PTH: variants seen among roughly 807,000 people sequenced by gnomAD.
PTH encodes the protein parathyroid hormone.
A neutral mutation model predicts 7.4 loss-of-function variants in PTH; 7 were observed. The ratio of observed to expected loss-of-function variants is 0.94; its 90% CI spans 0.53 to 1.77. PTH has a LOEUF of 1.77. PTH is among the 40% of genes most tolerant of loss of function. The pLI, the probability that PTH is intolerant of heterozygous loss-of-function variation, is 0.00. For synonymous variants in PTH, 51 were observed against 46.6 expected, an observed-to-expected ratio of 1.09 and a Z score of -0.39; for missense variants, 128 against 137.1, an observed-to-expected ratio of 0.93 and a Z score of 0.33.
intron 1 of PTH, among the ~76,000 whole-genome samples, chr11:13,494,860 A>T (rs1395801617): frequency 6.6e-6 from 1 of 152,184 alleles, no homozygotes; most frequent in East Asian, 1.9e-4. Context: ...GATTATACCT[A>T]AATGTTTATA....
intron 1 of PTH, among the ~76,000 whole-genome samples, chr11:13,493,561 T>C (rs559512539): frequency 1.3e-5 from 2 of 152,366 alleles, no homozygotes; most frequent in South Asian, 2.1e-4. Flanking sequence ...TGAATCTAGA[T>C]AATCACGCAT....
In PTH at chr11:13,493,230, A is replaced by C. The variant is rs546113425; in HGVS notation, c.-5-370T>G. 6.5e-3 allele frequency among the ~76,000 whole-genome samples: 982 copies of C among 152,226 alleles called. 15 individuals carry two copies. Among genetic ancestry groups the C allele is most frequent in the African/African-American group, 0.022 (924 of 41,556 alleles). ...TGTACTCCAATGATATTAAGCGGCA[A>C]CTACTCACCTGAAAAAGAAAACATT... is the stretch of plus-strand genomic sequence containing the variant. On this transcript the variant is annotated intron_variant, in intron 1 of 2. Coordinates refer to ENST00000282091, the MANE Select transcript of PTH (RefSeq NM_000315.4).
intron 1 of PTH, among the ~76,000 whole-genome samples, chr11:13,493,656 G>A (rs1377908200): frequency 6.6e-6 from 1 of 152,220 alleles, no homozygotes; most frequent in Non-Finnish European, 1.5e-5. Context: ...ATGTTAAAAT[G>A]TTAGCAACAT....
In PTH at chr11:13,492,216, CAA is replaced by C. The variant is rs111527388; in HGVS notation, c.*187_*188del. 0.012 allele frequency: 7,401 copies of C among 611,540 alleles called. 419 individuals are homozygous for C. The African/African-American group carries it at 0.12, about 10-fold the overall frequency. The allele number at this position is 611,540 out of a possible 1,614,324, so 37.9% of individuals were successfully genotyped here. On this transcript the variant is annotated 3_prime_UTR_variant, in exon 3 of 3. Coordinates refer to ENST00000282091, the MANE Select transcript of PTH (RefSeq NM_000315.4). ...AATAGAAAAGATAATTAAAATAACT[CAA>C]ATGAATAAAAGTGGAATCAGAATAA...
Position 13,492,594 on chromosome 11 carries a change from T to C in PTH, c.159A>G (p.Glu53=), listed in dbSNP as rs1847488979. 6.2e-7 allele frequency: 1 copy of C among 1,614,022 alleles called. No homozygotes were observed. Among genetic ancestry groups the C allele is most frequent in the African/African-American group, 1.3e-5 (1 of 74,918 alleles). The part of the protein sequence containing the change: ...GKHLNSMERV[E]WLRKKLQDVH... ...CATCCTGCAGCTTCTTACGCAGCCA[T>C]TCTACTCTCTCCATCGAGTTCAGAT... The change falls in exon 3 of 3, where the codon GAA becomes GAG. Residue 53 remains glutamate, a synonymous_variant. Coordinates refer to ENST00000282091, the MANE Select transcript of PTH (RefSeq NM_000315.4).
rs1847530285 is a variant in PTH at position 13,495,919 on chromosome 11, G to C, written c.-14C>G. ...TTTTTAAGTTTACTTACCATACAATGTCTTAGAACAAGATCTTCGTTCAGG... is the reference window on the plus strand; with the variant it reads ...TTTTTAAGTTTACTTACCATACAATCTCTTAGAACAAGATCTTCGTTCAGG... On this transcript the variant is annotated 5_prime_UTR_variant, in exon 1 of 3. Transcript: ENST00000282091. The C allele has an allele frequency of 6.6e-6, 1 of 152,082 alleles. No homozygotes were observed. Among genetic ancestry groups the C allele is most frequent in the African/African-American group, 2.4e-5 (1 of 41,426 alleles). The allele number at this position is 152,082 out of a possible 1,614,324, so 9.4% of individuals were successfully genotyped here. A position where few individuals can be genotyped will look rare whatever the true frequency, so the allele number is the denominator to read the frequency against.
In PTH at chr11:13,492,465, T is replaced by G. The variant is rs542013340; in HGVS notation, c.288A>C (p.Lys96Asn). The G allele has an allele frequency of 1.2e-6, 2 of 1,614,178 alleles. No homozygotes were observed. Among genetic ancestry groups the G allele is most frequent in the Non-Finnish European group, 1.7e-6 (2 of 1,180,030 alleles). ...CAGCTTTGTCTGCCTCTCCAAGACT[T>G]TTTTCATGGCTCTCAACCAAGACAT... ...EDNVLVESHE[K>N]SLGEADKADV... The change falls in exon 3 of 3, where the codon AAA becomes AAC. Residue 96 changes from lysine to asparagine, a missense_variant. Lys to Asn is a moderately conservative substitution (Grantham distance 94). Coordinates refer to ENST00000282091, the MANE Select transcript of PTH (RefSeq NM_000315.4).
chr11:13,494,125 A>G (rs943505488), intron 1 of PTH, among the ~76,000 whole-genome samples: 2 of 151,970 alleles, frequency 1.3e-5, no homozygotes, highest in Non-Finnish European at 2.9e-5. Context: ...TAGAAAAATT[A>G]GGCACCATTT....
chr11:13,492,970 G>A, intron 1 of PTH, 110 bp from the exon 2 acceptor site: 2 of 926,756 alleles, frequency 2.2e-6, no homozygotes, highest in Non-Finnish European at 3.4e-6. Flanking sequence ...AGAAGCTTTT[G>A]GAATCAACCT....
At chr11:13,493,094 T>C (rs1224667383) in intron 1 of PTH, among the ~76,000 whole-genome samples, 1 of 150,314 alleles carries the variant, frequency 6.7e-6, no homozygotes, top group Non-Finnish European at 1.5e-5. Flanking sequence ...TTTATTTATT[T>C]ATTTATTTAT....
Position 13,492,870 on chromosome 11 carries a change from C to T in PTH, c.-5-10G>A, listed in dbSNP as rs694. ...GCAGGTATCATCTTCACTAAAAGGA[C>T]AAGCAAAATGGAGGTATTTTAAAAT... On this transcript the variant is annotated splice_polypyrimidine_tract_variant and intron_variant, in intron 1 of 2. Coordinates refer to ENST00000282091, the MANE Select transcript of PTH (RefSeq NM_000315.4). The T allele has an allele frequency of 0.59, 954,057 of 1,606,000 alleles. 292,652 individuals carry two copies. The highest frequency in any genetic ancestry group is 0.63 in the Non-Finnish European group (742,349 of 1,173,972).
chr11:13,493,592 G>A (rs1330789725), intron 1 of PTH, among the ~76,000 whole-genome samples: 1 of 152,158 alleles, frequency 6.6e-6, no homozygotes, highest in Non-Finnish European at 1.5e-5. Context: ...ACCATCTACC[G>A]TCCTAACTGT....
At chr11:13,495,244 A>G (rs1198227656) in intron 1 of PTH, among the ~76,000 whole-genome samples, 3 of 152,148 alleles carry the variant, frequency 2.0e-5, no homozygotes, top group Non-Finnish European at 4.4e-5. Context: ...TCTGCATTTC[A>G]GTACTTGCAA....
intron 1 of PTH, among the ~76,000 whole-genome samples, chr11:13,493,319 G>A (rs1847500902): frequency 6.6e-6 from 1 of 152,036 alleles, no homozygotes; most frequent in South Asian, 2.1e-4. Context: ...ATATTAAAAT[G>A]TTAAGACTTC....
rs177706 is a variant in PTH, at chr11:13,492,958, C to T, written c.-5-98G>A. 0.39 allele frequency: 441,530 copies of T among 1,128,614 alleles called. 90,608 individuals carry two copies. The highest frequency in any genetic ancestry group is 0.71 in the East Asian group (27,466 of 38,850). The allele number at this position is 1,128,614 out of a possible 1,614,324, so 69.9% of individuals were successfully genotyped here. On this transcript the variant is annotated intron_variant, in intron 1 of 2. Transcript: ENST00000282091. ...TACTAACTAATTGGGTTGGTTTTCA[C>T]GAGAAGCTTTTGGAATCAACCTCTT...
chr11:13,493,264 A>G (rs1847500497), intron 1 of PTH, among the ~76,000 whole-genome samples: 1 of 152,162 alleles, frequency 6.6e-6, no homozygotes, highest in Non-Finnish European at 1.5e-5. Flanking sequence ...TTGTCTCTGA[A>G]ATAATTCCTA....
In PTH at chr11:13,492,202, TA is replaced by T; in HGVS notation, c.*202del. 1.7e-6 allele frequency: 1 copy of T among 591,824 alleles called. No homozygotes were observed. Among genetic ancestry groups the T allele is most frequent in the East Asian group, 2.9e-5 (1 of 33,972 alleles). 36.7% of individuals were successfully genotyped at this position (591,824 alleles called of 1,614,324 possible). Reference sequence around the variant, plus strand: ...TAAAAAGAATAAACAATAGAAAAGATAATTAAAATAACTCAAATGAATAAAA... The same window carrying T: ...TAAAAAGAATAAACAATAGAAAAGATATTAAAATAACTCAAATGAATAAAA... On this transcript the variant is annotated 3_prime_UTR_variant, in exon 3 of 3. Transcript: ENST00000282091.
At position 13,492,391 on chromosome 11, in the gene PTH, A is replaced by G. The variant is rs1565290167; in HGVS notation, c.*14T>C. ...CTGTCTAGAGCAGAACTCTGACAAT[A>G]TCTGTTTTCATTTTCACTGGGATTT... On this transcript the variant is annotated 3_prime_UTR_variant, in exon 3 of 3. Coordinates refer to ENST00000282091, the MANE Select transcript of PTH (RefSeq NM_000315.4). The G allele has an allele frequency of 6.2e-7, 1 of 1,609,604 alleles. No individual in the cohort carries two copies. Among genetic ancestry groups the G allele is most frequent in the Non-Finnish European group, 8.5e-7 (1 of 1,179,936 alleles).
intron 1 of PTH, among the ~76,000 whole-genome samples, chr11:13,494,465 A>G (rs1249696154): frequency 6.6e-6 from 1 of 152,066 alleles, no homozygotes; most frequent in Non-Finnish European, 1.5e-5. Flanking sequence ...CAGGCTGTGC[A>G]CTCACCTAGA....
Sources: allele counts gnomAD v4.1 joint callset (sites outside exome capture counted in the v4.1 genomes callset), GRCh38; gene constraint gnomAD v4.1.1; transcripts MANE v1.5; gene names NCBI Gene and HGNC (gene_info 2026-07-23, HGNC 2026-07-21).